Variants in ANO3 observed in about 807,000 individuals in gnomAD.
ANO3 encodes anoctamin-3.
A neutral mutation model predicts 144.8 loss-of-function variants in ANO3; 99 were observed. The ratio of observed to expected loss-of-function variants is 0.68; its 90% CI spans 0.58 to 0.81. ANO3 has a LOEUF of 0.81. Ranked by LOEUF, ANO3 falls within the 30% of genes least tolerant of loss-of-function variation. The probability of loss-of-function intolerance (pLI) is 0.00; values close to 1 mark genes in which losing one functional copy is unlikely to be tolerated. For synonymous variants in ANO3, 414 were observed against 392.6 expected (o/e 1.05, Z -0.64); for missense variants, 905 against 1,202.2 (o/e 0.75, Z 3.66).
chr11:26,478,790 A>G (rs886840146), intron 4 of ANO3, among the ~76,000 whole-genome samples: 1 of 152,152 alleles, frequency 6.6e-6, no homozygotes, highest in Admixed American at 6.6e-5. Flanking sequence ...GATTGGTTAT[A>G]TAACTAGGGG....
At chr11:26,286,659 T>G (rs1389746186) in intron 1 of ANO3, among the ~76,000 whole-genome samples, 1 of 152,128 alleles carries the variant, frequency 6.6e-6, no homozygotes, top group African/African-American at 2.4e-5. Context: ...TCTAACACTC[T>G]CCCAGAAGAT....
At chr11:26,496,757 T>C (rs1860960720) in intron 4 of ANO3, among the ~76,000 whole-genome samples, 2 of 152,064 alleles carry the variant, frequency 1.3e-5, no homozygotes, top group Non-Finnish European at 2.9e-5. Context: ...CTCCCACTTA[T>C]AAGTGAGAAC....
chr11:26,615,241 A>T (rs1852217791), intron 17 of ANO3, among the ~76,000 whole-genome samples: 1 of 149,630 alleles, frequency 6.7e-6, no homozygotes, highest in South Asian at 2.1e-4. Context: ...TAGCAACATT[A>T]GGTCACTTTT....
chr11:26,439,095 C>G (rs1189679498), intron 1 of ANO3, among the ~76,000 whole-genome samples: 1 of 152,170 alleles, frequency 6.6e-6, no homozygotes, highest in East Asian at 1.9e-4. Flanking sequence ...TTTTCAACAA[C>G]TTGTATGGGA....
chr11:26,402,905 A>C (rs572641065), intron 1 of ANO3, among the ~76,000 whole-genome samples: 1 of 152,030 alleles, frequency 6.6e-6, no homozygotes, highest in Non-Finnish European at 1.5e-5. Flanking sequence ...TGCAACTCTT[A>C]ATTAGGGTTC....
chr11:26,537,610 T>C (rs1849544276), intron 10 of ANO3, 149 bp downstream of exon 10: 1 of 720,264 alleles, frequency 1.4e-6, no homozygotes, highest in Non-Finnish European at 2.5e-6. Context: ...ATTGTAATTT[T>C]GTGGCTGTGC....
intron 17 of ANO3, among the ~76,000 whole-genome samples, chr11:26,617,673 TCTC>T (rs1317888900): frequency 5.9e-5 from 9 of 152,152 alleles, no homozygotes; most frequent in African/African-American, 2.2e-4. Context: ...CATAAATACT[TCTC>T]CTTTGCTTTT....
At chr11:26,624,522 CT>C in intron 18 of ANO3, 24 bp downstream of exon 18, 1 of 1,570,602 alleles carries the variant, frequency 6.4e-7, no homozygotes, top group Non-Finnish European at 8.7e-7. Flanking sequence ...TCTTACTTCA[CT>C]CCTTAGTCAG....
chr11:26,202,596 G>A (rs566397365), intron 1 of ANO3, among the ~76,000 whole-genome samples: 4 of 151,606 alleles, frequency 2.6e-5, no homozygotes, highest in African/African-American at 9.7e-5. Flanking sequence ...CAGTGGAGGG[G>A]ACATTTGAAC....
intron 4 of ANO3, among the ~76,000 whole-genome samples, chr11:26,506,228 C>T (rs1189759728): frequency 2.6e-5 from 4 of 152,220 alleles, no homozygotes; most frequent in Non-Finnish European, 5.9e-5. Flanking sequence ...ACTCAAGCCT[C>T]ATTCCTAGGA....
chr11:26,383,737 T>C (rs1564994443), intron 1 of ANO3, among the ~76,000 whole-genome samples: 1 of 152,128 alleles, frequency 6.6e-6, no homozygotes, highest in Non-Finnish European at 1.5e-5. Context: ...ATGTTCATTA[T>C]GCAATATTTG....
At chr11:26,642,407 A>C (rs1853192649) in intron 22 of ANO3, among the ~76,000 whole-genome samples, 1 of 131,302 alleles carries the variant, frequency 7.6e-6, no homozygotes, top group Non-Finnish European at 1.5e-5. Flanking sequence ...GCTGGAGTGC[A>C]GTGGCACAAT....
chr11:26,436,578 C>A (rs1858303887), intron 1 of ANO3, among the ~76,000 whole-genome samples: 1 of 151,880 alleles, frequency 6.6e-6, no homozygotes, highest in Non-Finnish European at 1.5e-5. Flanking sequence ...CCAGCCCCAA[C>A]ACACTGGCAG....
At chr11:26,215,434 T>G (rs1852017483) in intron 1 of ANO3, among the ~76,000 whole-genome samples, 1 of 152,038 alleles carries the variant, frequency 6.6e-6, no homozygotes, top group Non-Finnish European at 1.5e-5. Context: ...CCCTTTGAAC[T>G]GCCACTATCA....
chr11:26,365,564 T>C (rs554606581), intron 1 of ANO3, among the ~76,000 whole-genome samples: 150 of 152,342 alleles, frequency 9.8e-4, no homozygotes, highest in African/African-American at 3.5e-3. Flanking sequence ...CTAAGCCTGC[T>C]TCACTCTTAT....
At chr11:26,298,041 G>T (rs1278100973) in intron 1 of ANO3, among the ~76,000 whole-genome samples, 1 of 152,158 alleles carries the variant, frequency 6.6e-6, no homozygotes, top group Admixed American at 6.5e-5. Context: ...GATTTCAGCA[G>T]AATCAGTAGA....
intron 1 of ANO3, among the ~76,000 whole-genome samples, chr11:26,208,512 C>CAAAA (rs67196052): frequency 9.0e-5 from 11 of 121,682 alleles, no homozygotes; most frequent in African/African-American, 3.4e-4. Context: ...GACTCCGTCT[C>CAAAA]AAAAAAAAAA....
chr11:26,647,240 C>A lies in ANO3; in HGVS notation c.2429-469C>A, dbSNP rs1235903967. 1.5e-4 allele frequency among the ~76,000 whole-genome samples: 23 copies of A among 152,130 alleles called. 1 individual carries two copies. Among genetic ancestry groups the A allele is most frequent in the Admixed American group, 1.5e-3 (23 of 15,264 alleles). On this transcript the variant is annotated intron_variant, in intron 23 of 26. Coordinates refer to ENST00000256737, the MANE Select transcript of ANO3 (RefSeq NM_031418.4). ...AAATGTCTACTAGAACTTTTCAGTT[C>A]TTACCACCAGACTAGTTTTGCTTTT...
chr11:26,352,522 C>G (rs1855674530), intron 1 of ANO3, among the ~76,000 whole-genome samples: 1 of 151,918 alleles, frequency 6.6e-6, no homozygotes, highest in South Asian at 2.1e-4. Context: ...TGACAATTTT[C>G]CTTCAGAATT....
Sources: allele counts gnomAD v4.1 joint callset (sites outside exome capture counted in the v4.1 genomes callset), GRCh38; gene constraint gnomAD v4.1.1; transcripts MANE v1.5; gene names NCBI Gene and HGNC (gene_info 2026-07-23, HGNC 2026-07-21).